Variants in FBXL7 observed in about 807,000 individuals in gnomAD.
The protein encoded by FBXL7 is F-box and leucine rich repeat protein 7, also known as F-box/LRR-repeat protein 7.
Under a neutral mutation model 38.3 loss-of-function variants are expected in FBXL7, and 12 were observed. The observed-to-expected ratio is 0.31, with a 90% CI of 0.20 to 0.51. The LOEUF is 0.51. FBXL7 is among the 20% of genes least tolerant of loss of function. The pLI, the probability that FBXL7 is intolerant of heterozygous loss-of-function variation, is 0.98. For missense variants in FBXL7, 567 were observed against 676.4 expected (o/e 0.84, Z 1.79); for synonymous variants, 297 against 300.9 (o/e 0.99, Z 0.13).
At chr5:15,668,368 T>TG (rs1742353969) in intron 2 of FBXL7, among the ~76,000 whole-genome samples, 15 of 145,650 alleles carry the variant, frequency 1.0e-4, no homozygotes, top group Non-Finnish European at 2.0e-4. Context: ...ATATTTGTGT[T>TG]TGTGTGTGTG....
chr5:15,759,986 C>A (rs1218228245), intron 2 of FBXL7, among the ~76,000 whole-genome samples: 1 of 152,136 alleles, frequency 6.6e-6, no homozygotes, highest in Non-Finnish European at 1.5e-5. Flanking sequence ...AATGAATGAA[C>A]CAATGACTGC....
intron 1 of FBXL7, among the ~76,000 whole-genome samples, chr5:15,547,026 G>A (rs1418816535): frequency 6.6e-6 from 1 of 152,192 alleles, no homozygotes; most frequent in Non-Finnish European, 1.5e-5. Context: ...CCATGGTTGA[G>A]CAGAATACCC....
At chr5:15,788,969 G>C (rs1401203761) in intron 2 of FBXL7, among the ~76,000 whole-genome samples, 2 of 151,538 alleles carry the variant, frequency 1.3e-5, no homozygotes, top group Non-Finnish European at 2.9e-5. Flanking sequence ...TCCTGCCTCA[G>C]CCTCCAGAGT....
At chr5:15,546,854 T>C (rs931587491) in intron 1 of FBXL7, among the ~76,000 whole-genome samples, 14 of 152,128 alleles carry the variant, frequency 9.2e-5, no homozygotes, top group Non-Finnish European at 1.9e-4. Flanking sequence ...CATTGAAAAT[T>C]AATTGGGTGG....
At chr5:15,827,376 T>C (rs950262699) in intron 2 of FBXL7, among the ~76,000 whole-genome samples, 11 of 152,182 alleles carry the variant, frequency 7.2e-5, no homozygotes, top group Non-Finnish European at 1.3e-4. Context: ...TCATTGGAGC[T>C]CAATTGAATA....
chr5:15,758,150 A>G (rs1398977262), intron 2 of FBXL7, among the ~76,000 whole-genome samples: 1 of 152,112 alleles, frequency 6.6e-6, no homozygotes, highest in Non-Finnish European at 1.5e-5. Flanking sequence ...CTTTACCATC[A>G]GAATATTTTT....
chr5:15,802,434 T>C (rs186409447), intron 2 of FBXL7, among the ~76,000 whole-genome samples: 13 of 152,242 alleles, frequency 8.5e-5, no homozygotes, highest in African/African-American at 2.9e-4. Context: ...CTGTCATGTT[T>C]GTTCACTGCT....
At chr5:15,814,053 T>A (rs1230636786) in intron 2 of FBXL7, among the ~76,000 whole-genome samples, 1 of 152,172 alleles carries the variant, frequency 6.6e-6, no homozygotes, top group Non-Finnish European at 1.5e-5. Flanking sequence ...GAAATACCAT[T>A]TGACCCAGCG....
chr5:15,760,617 T>G (rs911066387), intron 2 of FBXL7, among the ~76,000 whole-genome samples: 1 of 152,088 alleles, frequency 6.6e-6, no homozygotes, highest in Non-Finnish European at 1.5e-5. Context: ...ATGTGAAAAC[T>G]AAGGGATGAA....
intron 2 of FBXL7, among the ~76,000 whole-genome samples, chr5:15,714,478 T>C (rs1039633575): frequency 1.3e-5 from 2 of 150,270 alleles, no homozygotes; most frequent in Non-Finnish European, 2.9e-5. Context: ...GAGAACAGAC[T>C]ACACAAGGTA....
chr5:15,841,896 G>A (rs559649884), intron 2 of FBXL7, among the ~76,000 whole-genome samples: 4 of 152,368 alleles, frequency 2.6e-5, no homozygotes, highest in African/African-American at 9.6e-5. Flanking sequence ...GAGGATGTAT[G>A]GAAACACCTG....
chr5:15,627,256 C>A (rs1376227185), intron 2 of FBXL7, among the ~76,000 whole-genome samples: 1 of 152,094 alleles, frequency 6.6e-6, no homozygotes, highest in Non-Finnish European at 1.5e-5. Context: ...CCATTCAGGG[C>A]GGGATAAAAT....
At chr5:15,514,213 A>G (rs1394871045) in intron 1 of FBXL7, among the ~76,000 whole-genome samples, 2 of 152,218 alleles carry the variant, frequency 1.3e-5, no homozygotes, top group East Asian at 3.8e-4. Context: ...TAACTGAATA[A>G]TTGTATTCAA....
intron 2 of FBXL7, among the ~76,000 whole-genome samples, chr5:15,738,662 A>C (rs949764988): frequency 6.6e-6 from 1 of 152,216 alleles, no homozygotes; most frequent in African/African-American, 2.4e-5. Flanking sequence ...CCATGGCATC[A>C]TATCTGTGTG....
chr5:15,935,099 A>C (rs1742141375), intron 3 of FBXL7: 1 of 522,106 alleles, frequency 1.9e-6, no homozygotes, highest in South Asian at 1.4e-5. Flanking sequence ...GAGGCTGGAG[A>C]GCATTTGTGG....
chr5:15,587,834 T>A (rs1366739978), intron 1 of FBXL7, among the ~76,000 whole-genome samples: 2 of 152,152 alleles, frequency 1.3e-5, no homozygotes, highest in East Asian at 3.9e-4. Flanking sequence ...TTAAAATGGG[T>A]CAAATAAAAG....
intron 2 of FBXL7, among the ~76,000 whole-genome samples, chr5:15,807,390 G>T (rs58451783): frequency 6.6e-6 from 1 of 152,136 alleles, no homozygotes; most frequent in African/African-American, 2.4e-5. Context: ...CCATTGTGCC[G>T]TGTGCACTGG....
At chr5:15,555,188 G>A (rs537368380) in intron 1 of FBXL7, among the ~76,000 whole-genome samples, 63 of 152,128 alleles carry the variant, frequency 4.1e-4, no homozygotes, top group Non-Finnish European at 6.8e-4. Flanking sequence ...ATGTGTGCAC[G>A]CACAGACACA....
chr5:15,806,392 C>CAA (rs139928455), intron 2 of FBXL7, among the ~76,000 whole-genome samples: 19 of 150,862 alleles, frequency 1.3e-4, no homozygotes, highest in African/African-American at 3.9e-4. Context: ...AGTGTAAAAA[C>CAA]AAAAAAACAA....
Sources: gnomAD v4.1 joint callset for allele counts (sites outside exome capture counted in the v4.1 genomes callset) on GRCh38, gnomAD v4.1.1 for gene constraint, MANE v1.5 for transcripts, NCBI Gene and HGNC (gene_info 2026-07-23, HGNC 2026-07-21) for gene names.